The following PRSS41 variants were observed in gnomAD, a reference collection of about 807,000 sequenced individuals.
PRSS41 encodes protease, serine 41.
Under a neutral mutation model 28.8 loss-of-function variants are expected in PRSS41, and 37 were observed. That is an observed-to-expected ratio of 1.29 (90% CI 0.99 to 1.69). The LOEUF is 1.69. Ranked by LOEUF, PRSS41 falls within the 40% of genes most tolerant of loss-of-function variation. PRSS41 has a pLI of 0.00. For missense variants in PRSS41, 431 were observed against 400.7 expected (o/e 1.08, Z -0.65); for synonymous variants, 195 against 163.1 (o/e 1.20, Z -1.49).
At chr16:2,801,493 C>T (rs554013188) in intron 4 of PRSS41, among the ~76,000 whole-genome samples, 25 of 150,518 alleles carry the variant, frequency 1.7e-4, no homozygotes, top group Non-Finnish European at 2.7e-4. Context: ...TGCGGCCTTC[C>T]GCAGTGTTTG....
exon 6 of PRSS41, chr16:2,804,964 G>C: frequency 6.3e-7 from 1 of 1,588,832 alleles, no homozygotes. Context: ...TGTGGTATCA[G>C]GTTGGAATCG....
chr16:2,798,529 G>C, exon 1 of PRSS41: 5 of 1,531,488 alleles, frequency 3.3e-6, no homozygotes, highest in Non-Finnish European at 4.4e-6. Context: ...TGCTGGCTCG[G>C]GCTGGACTCG....
intron 4 of PRSS41, among the ~76,000 whole-genome samples, chr16:2,800,542 C>A (rs2068979359): frequency 1.1e-4 from 9 of 81,932 alleles, no homozygotes; most frequent in South Asian, 8.8e-4. Flanking sequence ...GACTCCATCT[C>A]AAAAAAAAAA....
intron 4 of PRSS41, among the ~76,000 whole-genome samples, chr16:2,802,932 T>A (rs1474441526): frequency 2.6e-5 from 4 of 152,360 alleles, no homozygotes; most frequent in African/African-American, 9.6e-5. Context: ...TATTAAATTC[T>A]ATTTTGTCTG....
At position 2,799,125 on chromosome 16, in the gene PRSS41, G is replaced by A. The variant is rs764662843; in HGVS notation, c.257+1G>A. 16 of 1,518,422 alleles carry A rather than the reference G, an allele frequency of 1.1e-5. No individual in the cohort carries two copies. The highest frequency in any genetic ancestry group is 8.8e-7 in the Non-Finnish European group (1 of 1,136,614). 94.1% of individuals were successfully genotyped at this position (1,518,422 alleles called of 1,614,324 possible). On this transcript the variant is annotated splice_donor_variant, in intron 3 of 5. Coordinates refer to ENST00000399677, the Ensembl canonical transcript of PRSS41. LOFTEE classifies it high-confidence loss of function. ...TCTCGGCTGCGCACTGCTTCCAAAA[G>A]TGAGTCTGGGGGGCGGCCGGGGCCT...
intron 3 of PRSS41, 45 bp from the exon 4 acceptor site, chr16:2,799,241 A>G (rs781020701): frequency 1.9e-6 from 3 of 1,541,762 alleles, no homozygotes; most frequent in South Asian, 1.2e-5. Context: ...TCAGGCGGCC[A>G]GCCCCCTATT....
At chr16:2,799,469 T>C in exon 4 of PRSS41, 1 of 1,552,180 alleles carries the variant, frequency 6.4e-7, no homozygotes, top group Non-Finnish European at 8.7e-7. Flanking sequence ...TCACCTACAA[T>C]GCGTACATCC....
At chr16:2,798,908 G>GCCCCCCCC in intron 2 of PRSS41, 51 bp from the exon 3 acceptor site, 5 of 1,415,394 alleles carry the variant, frequency 3.5e-6, no homozygotes, top group Admixed American at 2.3e-5. Flanking sequence ...GGGCGGGCCT[G>GCCCCCCCC]CCCACCCCAC....
intron 4 of PRSS41, among the ~76,000 whole-genome samples, chr16:2,801,547 C>T (rs549924025): frequency 2.6e-5 from 4 of 151,514 alleles, no homozygotes; most frequent in Admixed American, 6.6e-5. Flanking sequence ...TGACTCTTAA[C>T]GAGCATGCTG....
At chr16:2,805,118 C>T (rs1374076217) in exon 6 of PRSS41, 1 of 1,550,730 alleles carries the variant, frequency 6.4e-7, no homozygotes, top group Non-Finnish European at 8.7e-7. Context: ...CCTTGCCCTG[C>T]TGTGGGCTCC....
intron 4 of PRSS41, among the ~76,000 whole-genome samples, 185 bp from the exon 5 acceptor site, chr16:2,804,204 T>C (rs2069005838): frequency 6.6e-6 from 1 of 152,108 alleles, no homozygotes; most frequent in African/African-American, 2.4e-5. Flanking sequence ...ATCTATTGGG[T>C]TATTCTGTGA....
At chr16:2,805,033 T>C (rs937717865) in exon 6 of PRSS41, 1 of 1,560,462 alleles carries the variant, frequency 6.4e-7, no homozygotes, top group Non-Finnish European at 8.7e-7. Context: ...CCAACATCAG[T>C]GTGTACTTCC....
chr16:2,798,881 C>T (rs2068965691), intron 2 of PRSS41, 78 bp from the exon 3 acceptor site: 27 of 1,425,898 alleles, frequency 1.9e-5, no homozygotes, highest in South Asian at 2.9e-5. Context: ...GCGCGCACCC[C>T]GGGGCAAAGC....
chr16:2,799,629 C>A lies in PRSS41; in HGVS notation c.541+60C>A, dbSNP rs1041587881. 138 of 1,498,534 alleles carry A rather than the reference C, an allele frequency of 9.2e-5. 1 individual carries two copies. The highest frequency in any genetic ancestry group is 1.2e-4 in the Non-Finnish European group (131 of 1,111,618). The allele number at this position is 1,498,534 out of a possible 1,614,324, so 92.8% of individuals were successfully genotyped here. ...GGTGCGGGGTGAGCATTACCCTCTA[C>A]CCCTGTTCCCGCTACACAAGCACAG... On this transcript the variant is annotated intron_variant, in intron 4 of 5. Coordinates refer to ENST00000399677, the Ensembl canonical transcript of PRSS41.
exon 4 of PRSS41, chr16:2,799,412 T>G (rs2068971296): frequency 6.4e-7 from 1 of 1,552,162 alleles, no homozygotes; most frequent in African/African-American, 1.4e-5. Flanking sequence ...CTGACGCACT[T>G]GGGGTTTTAC....
In PRSS41 at chr16:2,801,349, A is replaced by AT. The variant is rs535878171; in HGVS notation, c.541+1790dup. Among the ~76,000 whole-genome samples, 1,141 of 145,330 alleles carry AT rather than the reference A, an allele frequency of 7.9e-3. 15 individuals carry two copies. The highest frequency in any genetic ancestry group is 0.027 in the African/African-American group (1,075 of 39,468). ...TCTTGGACTCTTATTTTTTTTTTTA[A>AT]TTTTTTTTTTATTGATAATTCTTGG... On this transcript the variant is annotated intron_variant, in intron 4 of 5. Coordinates refer to ENST00000399677, the Ensembl canonical transcript of PRSS41.
intron 4 of PRSS41, among the ~76,000 whole-genome samples, chr16:2,801,966 G>A (rs2068989769): frequency 6.7e-6 from 1 of 149,800 alleles, no homozygotes; most frequent in Non-Finnish European, 1.5e-5. Context: ...GGCCGGGCGG[G>A]GGGCTGACCC....
chr16:2,801,755 C>G (rs1248465748), intron 4 of PRSS41, among the ~76,000 whole-genome samples: 3 of 152,208 alleles, frequency 2.0e-5, no homozygotes, highest in Non-Finnish European at 4.4e-5. Flanking sequence ...TACACAGACA[C>G]GGCAACCATC....
At chr16:2,799,167 C>T (rs1193045608) in intron 3 of PRSS41, 43 bp downstream of exon 3, 23 of 1,506,472 alleles carry the variant, frequency 1.5e-5, no homozygotes, top group Admixed American at 8.4e-5. Context: ...TGCTAATGGC[C>T]TCCAGGATGA....
Sources: allele counts gnomAD v4.1 joint callset (sites outside exome capture counted in the v4.1 genomes callset), GRCh38; gene constraint gnomAD v4.1.1; transcripts MANE v1.5; gene names NCBI Gene and HGNC (gene_info 2026-07-23, HGNC 2026-07-21).